The following IMMP2L variants were observed in gnomAD, a reference collection of about 807,000 sequenced individuals.
IMMP2L encodes inner mitochondrial membrane peptidase subunit 2.
IMMP2L carries 18 observed loss-of-function variants against 19.3 expected under a neutral mutation model. The ratio of observed to expected loss-of-function variants is 0.93; its 90% CI spans 0.64 to 1.38. The LOEUF (loss-of-function observed/expected upper bound fraction) is 1.38. IMMP2L is among the 40% of genes most tolerant of loss of function. The probability of loss-of-function intolerance (pLI) is 0.00; values close to 1 mark genes in which losing one functional copy is unlikely to be tolerated. For synonymous variants in IMMP2L, 76 were observed against 73.0 expected (o/e 1.04, Z -0.21); for missense variants, 233 against 218.2 (o/e 1.07, Z -0.43).
At position 111,539,271 on chromosome 7, in the gene IMMP2L, A is replaced by AAAGG. The variant is rs1238254080; in HGVS notation, c.-2-17823_-2-17822insCCTT. Among the ~76,000 whole-genome samples, 245 of 145,052 alleles carry AAAGG rather than the reference A, an allele frequency of 1.7e-3. 6 individuals are homozygous for AAAGG. Among genetic ancestry groups the AAAGG allele is most frequent in the African/African-American group, 2.7e-3 (106 of 38,636 alleles). On this transcript the variant is annotated intron_variant, in intron 1 of 5. Coordinates refer to ENST00000405709, the MANE Select transcript of IMMP2L (RefSeq NM_032549.4). ...GAAAGAAAGAAAGAAAGAAAGAAAG[A>AAAGG]GAACATACGTCGATTACTACATATA...
intron 3 of IMMP2L, among the ~76,000 whole-genome samples, chr7:111,033,686 T>C (rs1260092614): frequency 6.6e-6 from 1 of 152,218 alleles, no homozygotes; most frequent in Non-Finnish European, 1.5e-5. Context: ...CATTAATGTA[T>C]ATTGCTTAGT....
intron 5 of IMMP2L, among the ~76,000 whole-genome samples, chr7:110,784,523 T>A (rs770984162): frequency 2.0e-5 from 3 of 151,980 alleles, no homozygotes; most frequent in Non-Finnish European, 4.4e-5. Context: ...TTTACATCTA[T>A]CATATTTCCC....
chr7:110,935,809 C>A (rs1816039732), intron 4 of IMMP2L, among the ~76,000 whole-genome samples: 1 of 152,110 alleles, frequency 6.6e-6, no homozygotes, highest in South Asian at 2.1e-4. Flanking sequence ...TACTACAAGG[C>A]TACAGTAACC....
At chr7:110,998,674 T>C (rs533124466) in intron 3 of IMMP2L, among the ~76,000 whole-genome samples, 1 of 152,270 alleles carries the variant, frequency 6.6e-6, no homozygotes, top group South Asian at 2.1e-4. Context: ...TGGACTCAAC[T>C]GGGATTGTCA....
At chr7:111,480,084 A>G (rs1842047983) in intron 3 of IMMP2L, among the ~76,000 whole-genome samples, 1 of 149,998 alleles carries the variant, frequency 6.7e-6, no homozygotes, top group East Asian at 1.9e-4. Flanking sequence ...AAGGATACCA[A>G]CTTTTTTTTT....
intron 3 of IMMP2L, among the ~76,000 whole-genome samples, chr7:111,159,300 G>C (rs1296014386): frequency 6.6e-6 from 1 of 151,974 alleles, no homozygotes; most frequent in Non-Finnish European, 1.5e-5. Context: ...ATTTTTAGTA[G>C]AGATGGGGTT....
intron 3 of IMMP2L, among the ~76,000 whole-genome samples, chr7:110,993,618 CCT>C (rs1197184102): frequency 1.3e-5 from 2 of 151,490 alleles, no homozygotes; most frequent in Non-Finnish European, 2.9e-5. Context: ...AGACCTCAAA[CCT>C]CTATTATTTA....
intron 4 of IMMP2L, among the ~76,000 whole-genome samples, chr7:110,902,400 A>G (rs1294320075): frequency 6.6e-6 from 1 of 150,976 alleles, no homozygotes; most frequent in African/African-American, 2.4e-5. Context: ...TCCTTTAAAA[A>G]AAAAAGATTA....
chr7:110,752,315 T>C (rs900125410), intron 5 of IMMP2L, among the ~76,000 whole-genome samples: 1 of 152,052 alleles, frequency 6.6e-6, no homozygotes, highest in Non-Finnish European at 1.5e-5. Flanking sequence ...TTTAAAAGTA[T>C]GTTTTGATGC....
intron 3 of IMMP2L, among the ~76,000 whole-genome samples, chr7:111,346,974 G>C (rs915797472): frequency 2.0e-5 from 3 of 152,120 alleles, no homozygotes; most frequent in Non-Finnish European, 4.4e-5. Context: ...ATAGATGGCA[G>C]AGGGTTTAAA....
At chr7:110,837,147 C>A (rs1302060175) in intron 5 of IMMP2L, among the ~76,000 whole-genome samples, 2 of 152,028 alleles carry the variant, frequency 1.3e-5, no homozygotes, top group Non-Finnish European at 2.9e-5. Context: ...ATGATACATT[C>A]ATATTATGGA....
chr7:111,122,906 C>T, intron 3 of IMMP2L: 2 of 1,613,970 alleles, frequency 1.2e-6, no homozygotes, highest in Non-Finnish European at 1.7e-6. Flanking sequence ...ACACCCAGAT[C>T]CATTTATATG....
At chr7:111,291,592 T>G (rs897011815) in intron 3 of IMMP2L, among the ~76,000 whole-genome samples, 4 of 152,204 alleles carry the variant, frequency 2.6e-5, no homozygotes, top group African/African-American at 9.6e-5. Context: ...AATATAATGA[T>G]GGTTATCAGG....
intron 3 of IMMP2L, among the ~76,000 whole-genome samples, chr7:111,320,028 AT>A (rs1482910195): frequency 6.6e-6 from 1 of 152,050 alleles, no homozygotes; most frequent in East Asian, 1.9e-4. Flanking sequence ...TTTAAAAAAA[AT>A]CTTCATCCCC....
intron 3 of IMMP2L, among the ~76,000 whole-genome samples, chr7:111,153,487 A>G (rs146299485): frequency 1.5e-3 from 227 of 152,198 alleles, no homozygotes; most frequent in African/African-American, 5.1e-3. Context: ...GATTTACAAT[A>G]TAAACTAAAC....
chr7:111,178,592 T>A (rs1430214765), intron 3 of IMMP2L, among the ~76,000 whole-genome samples: 1 of 152,114 alleles, frequency 6.6e-6, no homozygotes, highest in East Asian at 1.9e-4. Flanking sequence ...CACTGCTTTA[T>A]CAGCAAAGTT....
At chr7:110,773,877 G>A (rs1344206395) in intron 5 of IMMP2L, among the ~76,000 whole-genome samples, 1 of 127,372 alleles carries the variant, frequency 7.9e-6, no homozygotes, top group Admixed American at 7.9e-5. Flanking sequence ...ACTATTTTCT[G>A]CTGGAGCTCC....
At chr7:111,124,227 C>T (rs760533901) in intron 3 of IMMP2L, 15 of 1,613,736 alleles carry the variant, frequency 9.3e-6, no homozygotes, top group African/African-American at 1.3e-5. Flanking sequence ...ATATAAATGG[C>T]GTAACTCCCA....
At chr7:110,915,867 A>C (rs555709264) in intron 4 of IMMP2L, among the ~76,000 whole-genome samples, 1 of 152,322 alleles carries the variant, frequency 6.6e-6, no homozygotes, top group South Asian at 2.1e-4. Flanking sequence ...AAAGTTAACA[A>C]CACATTGTAG....
Sources: allele counts gnomAD v4.1 joint callset (sites outside exome capture counted in the v4.1 genomes callset), GRCh38; gene constraint gnomAD v4.1.1; transcripts MANE v1.5; gene names NCBI Gene and HGNC (gene_info 2026-07-23, HGNC 2026-07-21).